DPH6: variants seen among roughly 807,000 people sequenced by gnomAD.
DPH6 encodes the protein diphthamine biosynthesis 6.
Under a neutral mutation model 38.2 loss-of-function variants are expected in DPH6, and 33 were observed. The observed-to-expected ratio is 0.86, with a 90% CI of 0.65 to 1.15. The LOEUF (loss-of-function observed/expected upper bound fraction) is 1.15, where lower values mean the gene tolerates loss of function less well. DPH6 is among the 50% of genes most tolerant of loss of function. The pLI is 0.00. For synonymous variants in DPH6, 108 were observed against 103.0 expected, an observed-to-expected ratio of 1.05 and a Z score of -0.30; for missense variants, 325 against 320.0, an observed-to-expected ratio of 1.02 and a Z score of -0.12.
chr15:35,489,399 GA>G (rs1298495641), intron 3 of DPH6: 11 of 985,104 alleles, frequency 1.1e-5, no homozygotes, highest in Non-Finnish European at 1.2e-5. Context: ...GAAACTTTTT[GA>G]ATCTTAAACT....
At chr15:35,544,699 C>A (rs568478786) in intron 1 of DPH6, among the ~76,000 whole-genome samples, 1 of 152,188 alleles carries the variant, frequency 6.6e-6, no homozygotes, top group African/African-American at 2.4e-5. Context: ...TACGCTTCAG[C>A]AAGAATTTTC....
intron 3 of DPH6, among the ~76,000 whole-genome samples, chr15:35,481,212 G>A (rs1396518981): frequency 3.9e-5 from 6 of 152,018 alleles, no homozygotes; most frequent in Admixed American, 6.6e-5. Flanking sequence ...GTGGTATACC[G>A]CATTCTACAG....
At chr15:35,387,933 G>C (rs914296738) in intron 6 of DPH6, among the ~76,000 whole-genome samples, 3 of 152,046 alleles carry the variant, frequency 2.0e-5, no homozygotes, top group Non-Finnish European at 2.9e-5. Context: ...TTTTCAAAGG[G>C]AATGCTTCCA....
chr15:35,195,162 T>C, the DPH6 span, among the ~76,000 whole-genome samples: 1 of 152,230 alleles, frequency 6.6e-6, no homozygotes, highest in African/African-American at 2.4e-5. Context: ...AGTGAGAACA[T>C]GCAATATTTG....
At chr15:35,289,346 T>G (rs2051964131) in intron 3 of DPH6, among the ~76,000 whole-genome samples, 1 of 152,212 alleles carries the variant, frequency 6.6e-6, no homozygotes. Context: ...CTTATAACAT[T>G]AAAACTCAAA....
chr15:35,432,583 C>T (rs561723575), intron 5 of DPH6, among the ~76,000 whole-genome samples: 6 of 152,190 alleles, frequency 3.9e-5, no homozygotes, highest in African/African-American at 1.2e-4. Context: ...CAAAAAAATA[C>T]ACACATAAGA....
At chr15:35,522,038 A>G (rs2054929373) in intron 3 of DPH6, 1 of 1,574,160 alleles carries the variant, frequency 6.4e-7, no homozygotes, top group East Asian at 2.3e-5. Flanking sequence ...TCCAATTAGT[A>G]TGTCTAAGTT....
chr15:35,340,476 T>C (rs1480898879), intron 3 of DPH6, among the ~76,000 whole-genome samples: 3 of 152,230 alleles, frequency 2.0e-5, no homozygotes, highest in African/African-American at 7.2e-5. Flanking sequence ...ATAGTGTCAC[T>C]AGTCTGTGTA....
chr15:35,238,023 G>C, intron 3 of DPH6: 1 of 1,548,710 alleles, frequency 6.5e-7, no homozygotes, highest in Non-Finnish European at 8.9e-7. Flanking sequence ...GGTCAGAAGC[G>C]AAAAGGAGAA....
chr15:35,357,895 T>G lies in DPH6; in HGVS notation n.207+15626A>C, dbSNP rs145357949. 4.2e-3 allele frequency among the ~76,000 whole-genome samples: 642 copies of G among 152,072 alleles called. 1 individual carries two copies. Among genetic ancestry groups the G allele is most frequent in the Non-Finnish European group, 7.3e-3 (495 of 67,962 alleles). ...ATCTCTTTGTGATGAATTTCCCAGGTGTTCTTTGTGCTTCTTGTATTTGGA... is the reference window on the plus strand; with the variant it reads ...ATCTCTTTGTGATGAATTTCCCAGGGGTTCTTTGTGCTTCTTGTATTTGGA... On this transcript the variant is annotated intron_variant and non_coding_transcript_variant, in intron 3 of 3. Transcript: ENST00000558973.
At chr15:35,397,864 T>TACAC (rs1288990452) in intron 6 of DPH6, among the ~76,000 whole-genome samples, 28 of 88,656 alleles carry the variant, frequency 3.2e-4, no homozygotes, top group African/African-American at 1.3e-3. Context: ...TCAATTTATA[T>TACAC]ATATACACAC....
chr15:35,224,404 G>C (rs1425600258), intron 3 of DPH6, among the ~76,000 whole-genome samples: 1 of 152,134 alleles, frequency 6.6e-6, no homozygotes, highest in Non-Finnish European at 1.5e-5. Flanking sequence ...ACCACGCCTG[G>C]CCTGATTTTA....
chr15:35,169,989 T>A, the DPH6 span, among the ~76,000 whole-genome samples: 1 of 152,188 alleles, frequency 6.6e-6, no homozygotes, highest in Non-Finnish European at 1.5e-5. Flanking sequence ...AATATTGAAT[T>A]CAAATGCACC....
chr15:35,545,994 G>T (rs994273095), intron 1 of DPH6, 125 bp downstream of exon 1: 3 of 902,636 alleles, frequency 3.3e-6, no homozygotes, highest in East Asian at 3.3e-5. Flanking sequence ...CCTGTGGCTC[G>T]GAGGAGCCGC....
At chr15:35,159,215 A>G in the DPH6 span, among the ~76,000 whole-genome samples, 3 of 152,024 alleles carry the variant, frequency 2.0e-5, no homozygotes, top group Non-Finnish European at 4.4e-5. Context: ...TATGGAATCT[A>G]CCTCCATGTA....
intron 3 of DPH6, among the ~76,000 whole-genome samples, chr15:35,300,964 CTTCTT>C (rs1470574848): frequency 6.6e-6 from 1 of 152,138 alleles, no homozygotes; most frequent in African/African-American, 2.4e-5. Flanking sequence ...GAAAAATCAT[CTTCTT>C]TTCAAGTATT....
Position 35,528,779 on chromosome 15 carries a change from C to T in DPH6, c.312+9495G>A, listed in dbSNP as rs554141140. ...ACACAAAACAATAATTAACCTATTA[C>T]AATGCATATTGATATTATCTATTAT... On this transcript the variant is annotated intron_variant, in intron 3 of 8. Coordinates refer to ENST00000256538, the MANE Select transcript of DPH6 (RefSeq NM_080650.4). Among the ~76,000 whole-genome samples, 9 of 152,302 alleles carry T rather than the reference C, an allele frequency of 5.9e-5. No homozygotes were observed. In the South Asian group the frequency reaches 1.9e-3, roughly 32 times the overall value.
At chr15:35,485,400 A>C (rs1261086108) in intron 3 of DPH6, among the ~76,000 whole-genome samples, 1 of 152,220 alleles carries the variant, frequency 6.6e-6, no homozygotes, top group Non-Finnish European at 1.5e-5. Flanking sequence ...AACTAAATTG[A>C]CTCACTTTCC....
At chr15:35,268,215 AT>A (rs1272857469) in intron 3 of DPH6, among the ~76,000 whole-genome samples, 5 of 144,930 alleles carry the variant, frequency 3.4e-5, no homozygotes, top group African/African-American at 1.3e-4. Context: ...AAATAAATAA[AT>A]AAAAGAAAAC....
Sources: allele counts gnomAD v4.1 joint callset (sites outside exome capture counted in the v4.1 genomes callset), GRCh38; gene constraint gnomAD v4.1.1; transcripts MANE v1.5; gene names NCBI Gene and HGNC (gene_info 2026-07-23, HGNC 2026-07-21).